SNRPN: variants seen among roughly 807,000 people sequenced by gnomAD.
SNRPN encodes small nuclear ribonucleoprotein-associated protein N.
In SNRPN, 7 loss-of-function variants were observed where a neutral mutation model predicts 25.2. That is an observed-to-expected ratio of 0.28 (90% CI 0.16 to 0.52). The LOEUF (loss-of-function observed/expected upper bound fraction) is 0.52. Among genes scored for constraint, SNRPN ranks in the 20% least tolerant of loss-of-function variants. The pLI, the probability that SNRPN is intolerant of heterozygous loss-of-function variation, is 0.96. For synonymous variants in SNRPN, 124 were observed against 110.6 expected (o/e 1.12, Z -0.76); for missense variants, 196 against 322.5 (o/e 0.61, Z 3.00).
intron 3 of SNRPN, among the ~76,000 whole-genome samples, chr15:24,939,438 G>T (rs191206295): frequency 8.5e-4 from 129 of 152,118 alleles, no homozygotes; most frequent in African/African-American, 2.8e-3. Context: ...ATATATGTAT[G>T]TATTTATTTA....
In SNRPN at chr15:24,911,840, C is replaced by A. The variant is rs142379216; in HGVS notation, c.-504-8171C>A. Among the ~76,000 whole-genome samples, 548 of 152,308 alleles carry A rather than the reference C, an allele frequency of 3.6e-3. 6 individuals are homozygous for A. The highest frequency in any genetic ancestry group is 0.013 in the African/African-American group (531 of 41,574). On this transcript the variant is annotated intron_variant, in intron 2 of 11. Transcript: ENST00000400097. Reference sequence around the variant, plus strand: ...CTCACTAGGGCAATACTCAGTGGAGCCATAGGGACAGGGCCACCCCTGAGT... The same window carrying A: ...CTCACTAGGGCAATACTCAGTGGAGACATAGGGACAGGGCCACCCCTGAGT...
intron 1 of SNRPN, among the ~76,000 whole-genome samples, chr15:24,870,589 T>C (rs2055001169): frequency 6.7e-6 from 1 of 149,260 alleles, no homozygotes; most frequent in South Asian, 2.1e-4. Flanking sequence ...GAATTGTTCA[T>C]CCACACTCTC....
intron 2 of SNRPN, among the ~76,000 whole-genome samples, chr15:24,901,283 A>G (rs1027817093): frequency 2.6e-5 from 4 of 152,176 alleles, no homozygotes; most frequent in Admixed American, 2.6e-4. Context: ...GGGATGTACC[A>G]GTAATCAGAA....
At chr15:24,976,768 A>G (rs1260974915) in intron 6 of SNRPN, 109 bp from the exon 7 acceptor site, 1 of 947,770 alleles carries the variant, frequency 1.1e-6, no homozygotes, top group Non-Finnish European at 1.7e-6. Context: ...CAGAACTAAT[A>G]TGAGATAGGT....
chr15:24,892,889 G>A (rs2057789486), intron 2 of SNRPN, among the ~76,000 whole-genome samples: 1 of 152,002 alleles, frequency 6.6e-6, no homozygotes, highest in Non-Finnish European at 1.5e-5. Flanking sequence ...CGGATCAAAA[G>A]GAGAGAACAG....
At chr15:24,872,871 C>CAAAA (rs202062268) in intron 1 of SNRPN, among the ~76,000 whole-genome samples, 1 of 59,354 alleles carries the variant, frequency 1.7e-5, no homozygotes, top group African/African-American at 5.9e-5. Flanking sequence ...GACTCCGTCT[C>CAAAA]AAAAAAAAAA....
intron 2 of SNRPN, among the ~76,000 whole-genome samples, chr15:24,916,109 C>T (rs191462289): frequency 1.4e-3 from 209 of 151,740 alleles, no homozygotes; most frequent in African/African-American, 4.5e-3. Flanking sequence ...TACAGGCACC[C>T]GCCACCAAGC....
chr15:24,880,144 A>T (rs1242375966), intron 1 of SNRPN, among the ~76,000 whole-genome samples: 1 of 151,932 alleles, frequency 6.6e-6, no homozygotes, highest in African/African-American at 2.4e-5. Context: ...ACCTATGACG[A>T]CTCCTGGCAG....
chr15:24,932,335 A>G (rs187157345), intron 3 of SNRPN, among the ~76,000 whole-genome samples: 1 of 152,138 alleles, frequency 6.6e-6, no homozygotes, highest in East Asian at 1.9e-4. Context: ...CCTGGGTTCA[A>G]GTGATTCTCC....
chr15:24,971,424 T>C (rs1326906285), intron 3 of SNRPN, among the ~76,000 whole-genome samples: 1 of 152,220 alleles, frequency 6.6e-6, no homozygotes, highest in African/African-American at 2.4e-5. Context: ...GAGAACTGTT[T>C]CTAAATTCCA....
chr15:24,940,198 T>C (rs986756807), intron 3 of SNRPN, among the ~76,000 whole-genome samples: 1 of 152,218 alleles, frequency 6.6e-6, no homozygotes, highest in Non-Finnish European at 1.5e-5. Flanking sequence ...TTGTGTCCTT[T>C]GATGCACAGA....
chr15:24,863,925 C>A (rs552136174), intron 1 of SNRPN, among the ~76,000 whole-genome samples: 2 of 150,368 alleles, frequency 1.3e-5, no homozygotes, highest in Non-Finnish European at 2.9e-5. Context: ...CTTTGGATTT[C>A]GTTTGCTCTA....
intron 1 of SNRPN, among the ~76,000 whole-genome samples, chr15:24,857,921 G>C (rs2053568173): frequency 6.6e-6 from 1 of 152,148 alleles, no homozygotes; most frequent in Non-Finnish European, 1.5e-5. Context: ...GATTGGTCAT[G>C]TTGGAGATGA....
At chr15:24,956,355 G>A (rs958229212) in intron 1 of SNRPN, among the ~76,000 whole-genome samples, 10 of 66,050 alleles carry the variant, frequency 1.5e-4, no homozygotes, top group Admixed American at 1.3e-3. Context: ...GCGCTTCAGC[G>A]GGGGGGTGGC....
chr15:24,957,614 G>A (rs1045576506), intron 1 of SNRPN, among the ~76,000 whole-genome samples: 6 of 152,128 alleles, frequency 3.9e-5, no homozygotes, highest in African/African-American at 1.4e-4. Context: ...GTTGCACTGA[G>A]TTGTAATTAA....
At chr15:24,853,756 A>G (rs377409441), upstream of SNRPN, among the ~76,000 whole-genome samples, 7 of 152,188 alleles carry the variant, frequency 4.6e-5, no homozygotes, top group African/African-American at 1.7e-4. Context: ...TACCAATGTT[A>G]CATACTAATA....
chr15:24,895,908 A>G (rs1039012238), intron 2 of SNRPN, among the ~76,000 whole-genome samples: 7 of 152,222 alleles, frequency 4.6e-5, no homozygotes, highest in African/African-American at 1.7e-4. Flanking sequence ...AAAGGAAAAT[A>G]TGAGAACAAG....
intron 2 of SNRPN, among the ~76,000 whole-genome samples, chr15:24,915,359 A>C (rs897902058): frequency 1.3e-5 from 2 of 152,058 alleles, no homozygotes; most frequent in African/African-American, 4.8e-5. Flanking sequence ...AACTCCTGAC[A>C]TCGTGATCTG....
chr15:24,962,349 C>T, intron 2 of SNRPN, 140 bp downstream of exon 2: 1 of 730,522 alleles, frequency 1.4e-6, no homozygotes, highest in Non-Finnish European at 2.4e-6. Flanking sequence ...AGTAAAAAAG[C>T]AATGAAATTC....
Sources: allele counts gnomAD v4.1 joint callset (sites outside exome capture counted in the v4.1 genomes callset), GRCh38; gene constraint gnomAD v4.1.1; transcripts MANE v1.5; gene names NCBI Gene and HGNC (gene_info 2026-07-23, HGNC 2026-07-21).